The following ENG variants were observed in gnomAD, a reference collection of about 807,000 sequenced individuals.
ENG encodes endoglin, also known as CD105 antigen.
A neutral mutation model predicts 71.0 loss-of-function variants in ENG; 17 were observed. The ratio of observed to expected loss-of-function variants is 0.24; its 90% confidence interval spans 0.16 to 0.36. The LOEUF (loss-of-function observed/expected upper bound fraction) is 0.36, where lower values mean the gene tolerates loss of function less well. Among genes scored for constraint, ENG ranks in the 10% least tolerant of loss-of-function variants. ENG has a pLI of 1.00. For synonymous variants in ENG, 360 were observed against 366.9 expected (o/e 0.98, Z 0.21); for missense variants, 749 against 868.3 (o/e 0.86, Z 1.73).
At chr9:127,840,242 C>T (rs1193535858) in intron 2 of ENG, among the ~76,000 whole-genome samples, 1 of 152,246 alleles carries the variant, frequency 6.6e-6, no homozygotes, top group Non-Finnish European at 1.5e-5. Flanking sequence ...ACCCCTGCAT[C>T]AAGGTCATAC....
At chr9:127,815,883 G>A in intron 14 of ENG, 60 bp downstream of exon 14, 1 of 1,564,634 alleles carries the variant, frequency 6.4e-7, no homozygotes, top group Non-Finnish European at 8.7e-7. Flanking sequence ...GGCTTCACTG[G>A]GCTCCCCCGG....
intron 3 of ENG, among the ~76,000 whole-genome samples, chr9:127,828,768 C>T (rs1473596179): frequency 2.6e-5 from 4 of 152,110 alleles, no homozygotes; most frequent in African/African-American, 9.7e-5. Flanking sequence ...GTCACCAGTC[C>T]GGAAGCTTCT....
Position 127,819,971 on chromosome 9 carries a change from C to T in ENG, c.1201G>A (p.Asp401Asn). 3.1e-6 allele frequency: 5 copies of T among 1,614,206 alleles called. No individual in the cohort carries two copies. The highest frequency in any genetic ancestry group is 4.2e-6 in the Non-Finnish European group (5 of 1,180,034). ...DPSCEAEDRGDKFVLRSAYSS... is the reference protein window; with the variant it reads ...DPSCEAEDRGNKFVLRSAYSS... ...TAAGCACTGCGCAAGACAAACTTGT[C>T]ACCCCTGTCCTCTGCCTCACAGCTG... The change falls in exon 9 of 15, where the codon GAC becomes AAC. Residue 401 changes from aspartate to asparagine, a missense_variant. Transcript: ENST00000373203.
intron 8 of ENG, among the ~76,000 whole-genome samples, chr9:127,821,807 C>G (rs960164402): frequency 6.6e-6 from 1 of 150,714 alleles, no homozygotes; most frequent in African/African-American, 2.4e-5. Flanking sequence ...TGCTTGAACC[C>G]GGGAGGCAGA....
intron 13 of ENG, chr9:127,816,806 A>C (rs1830330201): frequency 2.4e-6 from 1 of 418,216 alleles, no homozygotes; most frequent in South Asian, 2.2e-5. Context: ...GCCAGCACCC[A>C]CCCTCAAAGG....
At chr9:127,823,670 C>T (rs1005552094) in intron 8 of ENG, among the ~76,000 whole-genome samples, 14 of 138,390 alleles carry the variant, frequency 1.0e-4, no homozygotes, top group African/African-American at 3.1e-4. Context: ...TTACAGGCAC[C>T]GGCTTTTTTT....
chr9:127,834,023 G>T (rs1477855845), intron 2 of ENG, among the ~76,000 whole-genome samples: 2 of 152,150 alleles, frequency 1.3e-5, no homozygotes, highest in Non-Finnish European at 2.9e-5. Flanking sequence ...TGATCAATTA[G>T]TTGTAAACAC....
chr9:127,826,576 T>C lies in ENG; in HGVS notation c.457A>G (p.Arg153Gly). 6.2e-7 allele frequency: 1 copy of C among 1,614,056 alleles called. No homozygotes were observed. The highest frequency in any genetic ancestry group is 8.5e-7 in the Non-Finnish European group (1 of 1,179,986). Residue 153 changes from arginine to glycine, a missense_variant, in exon 4 of 15, where the codon AGG (arginine) becomes GGG (glycine). Arg to Gly is a moderately radical substitution (Grantham distance 125). Transcript: ENST00000373203. ...TCAGCAGCAGAGGTGATGGGGCCCC[T>C]CTCAGCTGCCCACTCAAGGATCTGG... The part of the protein sequence containing the change: ...KTQILEWAAE[R>G]GPITSAAELN...
At chr9:127,817,691 G>A in intron 12 of ENG, 1 of 356,480 alleles carries the variant, frequency 2.8e-6, no homozygotes, top group Non-Finnish European at 5.3e-6. Context: ...ACCAGATGGT[G>A]AAGTGTTGTG....
chr9:127,835,720 G>C (rs1830884666), intron 2 of ENG, among the ~76,000 whole-genome samples: 1 of 152,150 alleles, frequency 6.6e-6, no homozygotes, highest in African/African-American at 2.4e-5. Context: ...CTGTGAAATG[G>C]GGGTAGGACA....
Position 127,817,181 on chromosome 9 carries a change from A to G in ENG, c.1709T>C (p.Met570Thr). 1 of 1,614,200 alleles carries G rather than the reference A, an allele frequency of 6.2e-7. No individual in the cohort carries two copies. The highest frequency in any genetic ancestry group is 8.5e-7 in the Non-Finnish European group (1 of 1,180,028). Residue 570 changes from methionine (M) to threonine (T), a missense_variant, in exon 13 of 15, where the codon ATG (methionine) becomes ACG (threonine). By Grantham distance (81) the Met-to-Thr change is moderately conservative. Transcript: ENST00000373203. ...GTCAGGGCTGATGATGTTCAAGCGC[A>G]TGAAGACAGTCCTATGGACTTCCTG... ...QDQEVHRTVF[M>T]RLNIISPDLS...
chr9:127,849,744 A>G (rs913380373), intron 1 of ENG, among the ~76,000 whole-genome samples: 10 of 152,200 alleles, frequency 6.6e-5, no homozygotes, highest in Admixed American at 2.6e-4. Flanking sequence ...GAAGATCCCC[A>G]TCCTCTCCAC....
intron 1 of ENG, among the ~76,000 whole-genome samples, chr9:127,847,894 C>T (rs139954085): frequency 2.0e-5 from 3 of 152,286 alleles, no homozygotes; most frequent in South Asian, 4.1e-4. Context: ...CGGGCTCCCC[C>T]CTGGTTCTAC....
chr9:127,819,449 C>A, intron 10 of ENG, 173 bp downstream of exon 10: 1 of 801,924 alleles, frequency 1.2e-6, no homozygotes, highest in Admixed American at 2.1e-5. Context: ...AGACCAAGAG[C>A]GTCACCCTCA....
chr9:127,839,493 G>A (rs192072854), intron 2 of ENG, among the ~76,000 whole-genome samples: 1 of 152,302 alleles, frequency 6.6e-6, no homozygotes, highest in Admixed American at 6.5e-5. Flanking sequence ...AGCTCCATGA[G>A]GCTGGACCTC....
At chr9:127,818,901 A>T in intron 10 of ENG, 69 bp from the exon 11 acceptor site, 1 of 1,313,286 alleles carries the variant, frequency 7.6e-7, no homozygotes, top group Non-Finnish European at 1.1e-6. Flanking sequence ...GGGTGTGGGG[A>T]GGAACAGGCA....
At chr9:127,851,911 G>A (rs1348629868) in intron 1 of ENG, among the ~76,000 whole-genome samples, 1 of 152,124 alleles carries the variant, frequency 6.6e-6, no homozygotes, top group African/African-American at 2.4e-5. Context: ...AAGTCCCACA[G>A]AGAAAACCCC....
At chr9:127,825,174 C>G in intron 6 of ENG, 57 bp downstream of exon 6, 1 of 1,613,006 alleles carries the variant, frequency 6.2e-7, no homozygotes, top group South Asian at 1.1e-5. Flanking sequence ...AGGAAACTTC[C>G]CTGATCCAGA....
intron 1 of ENG, among the ~76,000 whole-genome samples, chr9:127,843,755 ATTTTTTTTTTTTTTT>A (rs71380099): frequency 4.4e-4 from 11 of 25,040 alleles, no homozygotes; most frequent in African/African-American, 1.5e-3. Flanking sequence ...ATATATATAT[ATTTTTTTTTTTTTTT>A]TTTTTTTTTT....
Sources: gnomAD v4.1 joint callset for allele counts (sites outside exome capture counted in the v4.1 genomes callset) on GRCh38, gnomAD v4.1.1 for gene constraint, MANE v1.5 for transcripts, NCBI Gene and HGNC (gene_info 2026-07-23, HGNC 2026-07-21) for gene names.